The following LMBR1 variants were observed in gnomAD, a reference collection of about 807,000 sequenced individuals.
LMBR1 encodes limb development membrane protein 1, also known as limb region 1 protein homolog.
Under a neutral mutation model 73.9 loss-of-function variants are expected in LMBR1, and 52 were observed. The observed-to-expected ratio is 0.70, with a 90% CI of 0.56 to 0.89. The LOEUF is 0.89. LMBR1 is among the 40% of genes least tolerant of loss of function. The probability of loss-of-function intolerance (pLI) is 0.00; values close to 1 mark genes in which losing one functional copy is unlikely to be tolerated. For synonymous variants in LMBR1, 215 were observed against 209.4 expected, an observed-to-expected ratio of 1.03 and a Z score of -0.23; for missense variants, 539 against 579.8, an observed-to-expected ratio of 0.93 and a Z score of 0.72.
chr7:156,891,574 A>G lies in LMBR1; in HGVS notation c.66+1354T>C, dbSNP rs961027625. Among the ~76,000 whole-genome samples the G allele has an allele frequency of 2.0e-5, 3 of 152,138 alleles. No individual in the cohort carries two copies. The East Asian group carries it at 5.8e-4, about 29-fold the overall frequency. The stretch of plus-strand genomic sequence containing the variant: ...AGGAGAAAGTAATTGGAAGAGGGAA[A>G]GGAATCAGTCTCTGGGATCCTAGTA... On this transcript the variant is annotated intron_variant, in intron 1 of 16. Coordinates refer to ENST00000353442, the MANE Select transcript of LMBR1 (RefSeq NM_022458.4).
At chr7:156,811,801 A>G (rs1833142574) in intron 4 of LMBR1, among the ~76,000 whole-genome samples, 1 of 152,184 alleles carries the variant, frequency 6.6e-6, no homozygotes, top group Non-Finnish European at 1.5e-5. Flanking sequence ...CAAGCAACAG[A>G]AATCTACTCT....
intron 4 of LMBR1, among the ~76,000 whole-genome samples, chr7:156,817,272 A>G (rs1021652249): frequency 7.9e-5 from 12 of 152,204 alleles, no homozygotes; most frequent in Non-Finnish European, 1.8e-4. Context: ...AAATTAAAAA[A>G]TTAATCAGAG....
chr7:156,690,728 C>G (rs6979082), intron 15 of LMBR1, among the ~76,000 whole-genome samples: 93 of 152,220 alleles, frequency 6.1e-4, no homozygotes, highest in African/African-American at 2.1e-3. Context: ...AATATTACCT[C>G]ATAAAAACTA....
At chr7:156,865,190 T>G (rs1476518825) in intron 1 of LMBR1, among the ~76,000 whole-genome samples, 6 of 151,958 alleles carry the variant, frequency 3.9e-5, no homozygotes, top group East Asian at 1.9e-4. Flanking sequence ...GCCTGTAGTC[T>G]CAGCTACTAG....
Position 156,763,663 on chromosome 7 carries a change from C to T in LMBR1, c.550+6G>A. 1 of 1,575,040 alleles carries T rather than the reference C, an allele frequency of 6.3e-7. No homozygotes were observed. Among genetic ancestry groups the T allele is most frequent in the South Asian group, 1.2e-5 (1 of 82,414 alleles). Reference sequence around the variant, plus strand: ...AGGAAACTGGTTAAAACAAGGAAATCCATACCATATAAAGATTCCATGCTT... The same window carrying T: ...AGGAAACTGGTTAAAACAAGGAAATTCATACCATATAAAGATTCCATGCTT... On this transcript the variant is annotated splice_donor_region_variant and intron_variant, in intron 6 of 16. Coordinates refer to ENST00000353442, the MANE Select transcript of LMBR1 (RefSeq NM_022458.4).
chr7:156,762,178 A>G lies in LMBR1; in HGVS notation c.640T>C (p.Ser214Pro), dbSNP rs764269813. 6.8e-6 allele frequency: 11 copies of G among 1,611,242 alleles called. No homozygotes were observed. The highest frequency in any genetic ancestry group is 8.5e-6 in the Non-Finnish European group (10 of 1,177,608). ...TGACCCATCACTGTGAACATACGAGAAAGGCCAACTGGTGTACACACTGCA... is the reference window on the plus strand; with the variant it reads ...TGACCCATCACTGTGAACATACGAGGAAGGCCAACTGGTGTACACACTGCA... ...LLLLCTPVGL[S>P]RMFTVMGQLL... is the part of the protein sequence containing the mutation. Residue 214 changes from serine to proline, a missense_variant, in exon 8 of 17, where the codon TCT becomes CCT. Coordinates refer to ENST00000353442, the MANE Select transcript of LMBR1 (RefSeq NM_022458.4).
chr7:156,790,957 T>TA (rs1199892542), intron 5 of LMBR1, among the ~76,000 whole-genome samples: 1 of 152,154 alleles, frequency 6.6e-6, no homozygotes, highest in African/African-American at 2.4e-5. Flanking sequence ...ATTATCAGAA[T>TA]AGAGTATTTT....
chr7:156,868,290 T>G (rs187220833), intron 1 of LMBR1, among the ~76,000 whole-genome samples: 1 of 145,432 alleles, frequency 6.9e-6, no homozygotes, highest in Admixed American at 7.1e-5. Context: ...ACCTCCCGGG[T>G]TCAAGTAATT....
intron 1 of LMBR1, among the ~76,000 whole-genome samples, chr7:156,839,795 C>T (rs1234079366): frequency 6.6e-6 from 1 of 152,166 alleles, no homozygotes; most frequent in Non-Finnish European, 1.5e-5. Flanking sequence ...AGATTCCCTG[C>T]CACTGGAAGC....
At chr7:156,847,669 C>T (rs1467637425) in intron 1 of LMBR1, among the ~76,000 whole-genome samples, 2 of 152,078 alleles carry the variant, frequency 1.3e-5, no homozygotes, top group Non-Finnish European at 2.9e-5. Context: ...AATAAGCACA[C>T]AAAAAGATGC....
At chr7:156,726,419 A>G (rs1315319347) in intron 12 of LMBR1, among the ~76,000 whole-genome samples, 2 of 152,040 alleles carry the variant, frequency 1.3e-5, no homozygotes, top group Admixed American at 6.5e-5. Context: ...ATTTTTTCCT[A>G]AACAATTATC....
chr7:156,866,055 T>C (rs1374320191), intron 1 of LMBR1, among the ~76,000 whole-genome samples: 3 of 140,536 alleles, frequency 2.1e-5, no homozygotes, highest in Non-Finnish European at 4.6e-5. Context: ...GACATTAAAA[T>C]CTCAAAAGAC....
chr7:156,674,675 A>T (rs1373715686), downstream of LMBR1, among the ~76,000 whole-genome samples: 2 of 152,156 alleles, frequency 1.3e-5, no homozygotes, highest in Non-Finnish European at 2.9e-5. Flanking sequence ...TGCTGTCTCC[A>T]CCAAACCAAA....
At chr7:156,676,439 C>T (rs2302147), downstream of LMBR1, 4 of 1,613,952 alleles carry the variant, frequency 2.5e-6, no homozygotes, top group Middle Eastern at 1.6e-4. Context: ...GGGAGACCCA[C>T]GAGTGCTCCA....
chr7:156,870,442 G>C (rs938807326), intron 1 of LMBR1, among the ~76,000 whole-genome samples: 2 of 152,072 alleles, frequency 1.3e-5, no homozygotes, highest in African/African-American at 4.8e-5. Context: ...AACACCCACT[G>C]GATTGAAAAA....
intron 1 of LMBR1, among the ~76,000 whole-genome samples, chr7:156,856,181 C>G (rs1232187889): frequency 6.6e-6 from 1 of 151,714 alleles, no homozygotes; most frequent in African/African-American, 2.4e-5. Flanking sequence ...GGCGACAGAG[C>G]AAGACTCTGT....
chr7:156,685,412 T>C lies in LMBR1; in HGVS notation c.1388-1249A>G, dbSNP rs563386839. On this transcript the variant is annotated intron_variant, in intron 16 of 16. Transcript: ENST00000353442. This position sits in a 1 kb window ranked among gnomAD's most constrained non-coding sequence, Gnocchi z 4.1. Reference sequence around the variant, plus strand: ...GCGCTGTCGAGCGATTCTGTCGCTGTGATGCCATCATAGAGTGTATCTATA... The same window carrying C: ...GCGCTGTCGAGCGATTCTGTCGCTGCGATGCCATCATAGAGTGTATCTATA... 4.6e-5 allele frequency among the ~76,000 whole-genome samples: 7 copies of C among 152,352 alleles called. No homozygotes were observed. In the South Asian group the frequency reaches 1.0e-3, roughly 23 times the overall value.
At position 156,681,735 on chromosome 7, in the gene LMBR1, A is replaced by G. The variant is rs1231221829; in HGVS notation, c.*2343T>C. On this transcript the variant is annotated 3_prime_UTR_variant, in exon 17 of 17. Coordinates refer to ENST00000353442, the MANE Select transcript of LMBR1 (RefSeq NM_022458.4). ...CTCCAGAATTGACCTGATGATGAGC[A>G]TCTGCAGCTCTGCCTTCCAGGGTCT... 6.6e-6 allele frequency: 1 copy of G among 152,364 alleles called. No individual in the cohort carries two copies. Among genetic ancestry groups the G allele is most frequent in the Non-Finnish European group, 1.5e-5 (1 of 68,134 alleles). The allele number at this position is 152,364 out of a possible 1,614,324, so 9.4% of individuals were successfully genotyped here.
At chr7:156,810,330 G>A (rs760652980) in intron 4 of LMBR1, among the ~76,000 whole-genome samples, 13 of 152,214 alleles carry the variant, frequency 8.5e-5, no homozygotes, top group Non-Finnish European at 1.6e-4. Context: ...ATCTATTCTT[G>A]GGGGATCTGC....
Sources: gnomAD v4.1 joint callset for allele counts (sites outside exome capture counted in the v4.1 genomes callset) on GRCh38, gnomAD v4.1.1 for gene constraint, Gnocchi (gnomAD v3.1) non-coding constraint, MANE v1.5 for transcripts, NCBI Gene and HGNC (gene_info 2026-07-23, HGNC 2026-07-21) for gene names.